Variants in PGAP1 observed in about 807,000 individuals in gnomAD.
PGAP1 encodes the protein post-GPI attachment to proteins inositol deacylase 1, also known as GPI inositol-deacylase.
PGAP1 carries 76 observed loss-of-function variants against 127.0 expected under a neutral mutation model. That is an observed-to-expected ratio of 0.60 (90% CI 0.50 to 0.72). The LOEUF (loss-of-function observed/expected upper bound fraction) is 0.72, where lower values mean the gene tolerates loss of function less well. Ranked by LOEUF, PGAP1 falls within the 30% of genes least tolerant of loss-of-function variation. PGAP1 has a pLI of 0.00. For missense variants in PGAP1, 982 were observed against 1,071.3 expected (o/e 0.92, Z 1.16); for synonymous variants, 362 against 366.5 (o/e 0.99, Z 0.14).
chr2:196,884,022 G>A (rs1254365618), intron 12 of PGAP1, among the ~76,000 whole-genome samples: 2 of 152,046 alleles, frequency 1.3e-5, no homozygotes, highest in South Asian at 2.1e-4. Flanking sequence ...ACAACATAGG[G>A]ACCTATTGTT....
intron 7 of PGAP1, among the ~76,000 whole-genome samples, chr2:196,896,503 C>CA (rs1176068573): frequency 3.3e-5 from 5 of 151,544 alleles, no homozygotes; most frequent in South Asian, 2.1e-4. Context: ...CAATGTATTA[C>CA]AAAAAAAATT....
intron 26 of PGAP1, among the ~76,000 whole-genome samples, chr2:196,842,430 T>A (rs1700441024): frequency 6.6e-6 from 1 of 152,162 alleles, no homozygotes; most frequent in Admixed American, 6.5e-5. Context: ...TCATGGCCAA[T>A]TTTATCTCAC....
chr2:196,913,031 C>T lies in PGAP1; in HGVS notation c.500G>A (p.Ser167Asn), dbSNP rs144512765. Reference sequence around the variant, plus strand: ...CATAGAATGACCAATTATTGCCACACTTTTTGGAGCAAATTCTTGACCCTA... The same window carrying T: ...CATAGAATGACCAATTATTGCCACATTTTTTGGAGCAAATTCTTGACCCTA... Reference protein sequence around the residue: ...LYKGQEFAPKSVAIIGHSMGG... With the variant: ...LYKGQEFAPKNVAIIGHSMGG... Residue 167 changes from serine (S) to asparagine (N), a missense_variant, in exon 4 of 27, where the codon AGT becomes AAT. By Grantham distance (46) the Ser-to-Asn change is conservative (BLOSUM62 1). Coordinates refer to ENST00000354764, the MANE Select transcript of PGAP1 (RefSeq NM_024989.4). The T allele has an allele frequency of 5.6e-6, 9 of 1,608,814 alleles. No individual in the cohort carries two copies. The highest frequency in any genetic ancestry group is 2.7e-5 in the African/African-American group (2 of 74,678).
chr2:196,842,048 T>G (rs1262814656), intron 26 of PGAP1, among the ~76,000 whole-genome samples: 7 of 127,468 alleles, frequency 5.5e-5, no homozygotes, highest in Non-Finnish European at 1.2e-4. Context: ...ACCCTACTTA[T>G]AAAAAAAAAA....
chr2:196,912,596 A>AAAAC (rs1702864698), intron 4 of PGAP1, among the ~76,000 whole-genome samples: 1 of 151,292 alleles, frequency 6.6e-6, no homozygotes, highest in African/African-American at 2.4e-5. Flanking sequence ...AAAAAAAAAA[A>AAAAC]AAAAAAAAAA....
chr2:196,899,350 T>C lies in PGAP1; in HGVS notation c.808-981A>G, dbSNP rs1466976266. ...ACACCCTGAACTCTATAAATAATAA[T>C]GTATCTTTGGGTTCCATGTTCTGAA... On this transcript the variant is annotated intron_variant, in intron 5 of 26. Coordinates refer to ENST00000354764, the MANE Select transcript of PGAP1 (RefSeq NM_024989.4). 3.9e-5 allele frequency among the ~76,000 whole-genome samples: 6 copies of C among 152,190 alleles called. No homozygotes were observed. The East Asian group carries it at 7.7e-4, about 20-fold the overall frequency.
At chr2:196,895,228 A>G (rs1471460561) in intron 7 of PGAP1, among the ~76,000 whole-genome samples, 1 of 152,202 alleles carries the variant, frequency 6.6e-6, no homozygotes, top group Admixed American at 6.5e-5. Flanking sequence ...TTTATTACAT[A>G]CTAGTACTAT....
intron 10 of PGAP1, among the ~76,000 whole-genome samples, chr2:196,886,157 C>CTTTTTTTTTTTTTTTTTTT (rs768495810): frequency 8.2e-6 from 1 of 122,180 alleles, no homozygotes; most frequent in African/African-American, 3.1e-5. Context: ...CTGGTTATCT[C>CTTTTTTTTTTTTTTTTTTT]TTTTTTTTTT....
chr2:196,872,761 G>A lies in PGAP1; in HGVS notation c.1619+199C>T. 5.3e-6 allele frequency: 3 copies of A among 566,520 alleles called. No homozygotes were observed. The South Asian group carries it at 8.2e-5, about 15-fold the overall frequency. 35.1% of individuals were successfully genotyped at this position (566,520 alleles called of 1,614,324 possible). A position where few individuals can be genotyped will look rare whatever the true frequency, so the allele number is the denominator to read the frequency against. Reference sequence around the variant, plus strand: ...TTGCGAGAGGGTGGAAGGGGGTTCAGGTTCCAAGGAAGTAAAGTTTAAGTT... The same window carrying A: ...TTGCGAGAGGGTGGAAGGGGGTTCAAGTTCCAAGGAAGTAAAGTTTAAGTT... On this transcript the variant is annotated intron_variant, in intron 17 of 26. Coordinates refer to ENST00000354764, the MANE Select transcript of PGAP1 (RefSeq NM_024989.4).
intron 13 of PGAP1, among the ~76,000 whole-genome samples, chr2:196,879,701 A>G (rs1050538880): frequency 1.3e-5 from 2 of 152,142 alleles, no homozygotes; most frequent in African/African-American, 4.8e-5. Flanking sequence ...TCTCAAAAAA[A>G]CAAAACAAAA....
At chr2:196,873,167 A>G (rs1175246299) in intron 16 of PGAP1, 141 bp from the exon 17 acceptor site, 6 of 457,522 alleles carry the variant, frequency 1.3e-5, no homozygotes, top group Admixed American at 4.0e-5. Context: ...ATAAAAAATT[A>G]TGGCGAATTC....
At chr2:196,894,925 T>C (rs1487823556) in intron 7 of PGAP1, among the ~76,000 whole-genome samples, 1 of 152,188 alleles carries the variant, frequency 6.6e-6, no homozygotes, top group Non-Finnish European at 1.5e-5. Flanking sequence ...TAATAACCAC[T>C]AGAAATTACT....
intron 20 of PGAP1, among the ~76,000 whole-genome samples, chr2:196,859,761 T>C (rs1283428460): frequency 6.6e-6 from 1 of 152,140 alleles, no homozygotes; most frequent in Non-Finnish European, 1.5e-5. Flanking sequence ...TCGAGAAGTA[T>C]AAAATCATTT....
At chr2:196,857,307 C>T (rs945084160) in intron 20 of PGAP1, among the ~76,000 whole-genome samples, 6 of 152,208 alleles carry the variant, frequency 3.9e-5, no homozygotes, top group Admixed American at 6.5e-5. Flanking sequence ...TGGCCCAGCA[C>T]TTTGAAATGA....
intron 12 of PGAP1, among the ~76,000 whole-genome samples, chr2:196,880,811 T>C (rs1384187534): frequency 6.6e-6 from 1 of 152,232 alleles, no homozygotes; most frequent in Non-Finnish European, 1.5e-5. Flanking sequence ...AAGACTGCTC[T>C]ATTTAATGAA....
chr2:196,883,126 C>G (rs1017840566), intron 12 of PGAP1, among the ~76,000 whole-genome samples: 1 of 152,086 alleles, frequency 6.6e-6, no homozygotes, highest in Non-Finnish European at 1.5e-5. Flanking sequence ...TGGCTTTTGT[C>G]TTTAGTTCTA....
At chr2:196,855,632 A>T (rs1299118884) in intron 20 of PGAP1, among the ~76,000 whole-genome samples, 1 of 152,196 alleles carries the variant, frequency 6.6e-6, no homozygotes, top group African/African-American at 2.4e-5. Flanking sequence ...AGATTTAAGG[A>T]AAATTTATCT....
intron 13 of PGAP1, chr2:196,877,455 T>C (rs1292285445): frequency 6.6e-6 from 1 of 152,114 alleles, no homozygotes; most frequent in Non-Finnish European, 1.5e-5. Context: ...ATGCATTACA[T>C]ATTTATTAGG....
At chr2:196,901,513 T>C (rs1702489509) in intron 5 of PGAP1, among the ~76,000 whole-genome samples, 2 of 152,210 alleles carry the variant, frequency 1.3e-5, no homozygotes, top group Admixed American at 1.3e-4. Flanking sequence ...ACAGGCAGAC[T>C]ACATTCTATG....
Sources: gnomAD v4.1 joint callset for allele counts (sites outside exome capture counted in the v4.1 genomes callset) on GRCh38, gnomAD v4.1.1 for gene constraint, MANE v1.5 for transcripts, NCBI Gene and HGNC (gene_info 2026-07-23, HGNC 2026-07-21) for gene names.